Variants in CDH18 observed in about 807,000 individuals in gnomAD.
CDH18 encodes cadherin-18.
CDH18 carries 31 observed loss-of-function variants against 67.9 expected under a neutral mutation model. That is an observed-to-expected ratio of 0.46 (90% CI 0.34 to 0.62). The LOEUF (loss-of-function observed/expected upper bound fraction) is 0.62. CDH18 is among the 20% of genes least tolerant of loss of function. The pLI is 0.01. For synonymous variants in CDH18, 362 were observed against 347.2 expected (o/e 1.04, Z -0.48); for missense variants, 890 against 975.5 (o/e 0.91, Z 1.17).
At chr5:19,503,344 T>C (rs1159235865) in intron 10 of CDH18, among the ~76,000 whole-genome samples, 1 of 151,928 alleles carries the variant, frequency 6.6e-6, no homozygotes, top group African/African-American at 2.4e-5. Flanking sequence ...TTTTCTAGCA[T>C]TGCAAACGCA....
intron 3 of CDH18, among the ~76,000 whole-genome samples, chr5:19,755,431 G>GTATATATATATATATATATA (rs1256145011): frequency 1.3e-5 from 1 of 77,368 alleles, no homozygotes; most frequent in Non-Finnish European, 2.6e-5. Context: ...AACAGGGTAT[G>GTATATATATATATATATATA]TATATATATA....
At chr5:20,218,446 A>G (rs1740950215) in intron 2 of CDH18, among the ~76,000 whole-genome samples, 4 of 152,162 alleles carry the variant, frequency 2.6e-5, no homozygotes, top group Admixed American at 2.0e-4. Flanking sequence ...TTAAGAAGAA[A>G]ATTTAAAAGT....
intron 2 of CDH18, among the ~76,000 whole-genome samples, chr5:20,228,454 C>T (rs2126487872): frequency 6.6e-6 from 1 of 152,174 alleles, no homozygotes; most frequent in Admixed American, 6.6e-5. Flanking sequence ...TATTACCACA[C>T]ATAGTTATCA....
At chr5:20,281,366 T>C (rs1217179247) in intron 1 of CDH18, among the ~76,000 whole-genome samples, 1 of 152,192 alleles carries the variant, frequency 6.6e-6, no homozygotes, top group East Asian at 1.9e-4. Context: ...CTTTAATCCA[T>C]CTTGAATTAA....
At chr5:20,022,273 C>T (rs1276874036) in intron 2 of CDH18, among the ~76,000 whole-genome samples, 1 of 152,158 alleles carries the variant, frequency 6.6e-6, no homozygotes, top group East Asian at 1.9e-4. Flanking sequence ...TTACTGAAAT[C>T]ATCCAATGGA....
intron 1 of CDH18, among the ~76,000 whole-genome samples, chr5:20,393,975 C>A (rs969090108): frequency 6.6e-6 from 1 of 151,938 alleles, no homozygotes; most frequent in African/African-American, 2.4e-5. Context: ...ATGACAATGA[C>A]CATACTGCCC....
chr5:20,275,404 G>T (rs2126678515), intron 1 of CDH18, among the ~76,000 whole-genome samples: 1 of 152,206 alleles, frequency 6.6e-6, no homozygotes, highest in East Asian at 1.9e-4. Context: ...AGTTTTCTGA[G>T]GCCTCCTTAT....
intron 5 of CDH18, among the ~76,000 whole-genome samples, chr5:19,623,929 A>G (rs1751093601): frequency 1.4e-5 from 2 of 147,664 alleles, no homozygotes; most frequent in South Asian, 4.2e-4. Context: ...ATAAAAAATG[A>G]TTTATTTCTC....
chr5:19,674,722 T>C (rs1364966206), intron 5 of CDH18, among the ~76,000 whole-genome samples: 1 of 152,142 alleles, frequency 6.6e-6, no homozygotes, highest in Non-Finnish European at 1.5e-5. Flanking sequence ...ATTTGAAAAG[T>C]CTAGAAAGCT....
At chr5:20,501,563 AT>A (rs1754293945) in intron 1 of CDH18, among the ~76,000 whole-genome samples, 6 of 20,534 alleles carry the variant, frequency 2.9e-4, no homozygotes, top group African/African-American at 8.2e-4. Flanking sequence ...TATAATATAT[AT>A]ATATAATATA....
chr5:20,019,794 T>C (rs1057414879), intron 2 of CDH18, among the ~76,000 whole-genome samples: 1 of 152,210 alleles, frequency 6.6e-6, no homozygotes, highest in Non-Finnish European at 1.5e-5. Context: ...GCTATATAGA[T>C]ATCTGAAAAT....
chr5:19,666,391 C>T (rs755454994), intron 5 of CDH18, among the ~76,000 whole-genome samples: 126 of 151,460 alleles, frequency 8.3e-4, no homozygotes, highest in Non-Finnish European at 1.4e-3. Flanking sequence ...TACAGGCATA[C>T]GCCACCACAC....
At chr5:20,332,732 T>TA (rs1739295945) in intron 1 of CDH18, among the ~76,000 whole-genome samples, 1 of 152,194 alleles carries the variant, frequency 6.6e-6, no homozygotes, top group Non-Finnish European at 1.5e-5. Flanking sequence ...GAACTATACC[T>TA]ACATTTCATA....
intron 3 of CDH18, among the ~76,000 whole-genome samples, chr5:19,820,336 G>A (rs114846752): frequency 0.011 from 1,689 of 152,198 alleles, 30 homozygotes; most frequent in African/African-American, 0.038. Flanking sequence ...ACCTGCTCCT[G>A]GAGTAGACAA....
At chr5:19,491,899 TA>T (rs1423178199) in intron 11 of CDH18, among the ~76,000 whole-genome samples, 1 of 152,048 alleles carries the variant, frequency 6.6e-6, no homozygotes, top group Non-Finnish European at 1.5e-5. Flanking sequence ...TTCATAGGAT[TA>T]AAAAAATTAA....
At position 20,388,184 on chromosome 5, in the gene CDH18, A is replaced by G. The variant is rs554106609; in HGVS notation, c.-579-132679T>C. 2.4e-3 allele frequency among the ~76,000 whole-genome samples: 358 copies of G among 152,280 alleles called. 1 individual carries two copies. The highest frequency in any genetic ancestry group is 8.2e-3 in the African/African-American group (341 of 41,550). On this transcript the variant is annotated intron_variant, in intron 1 of 14. Coordinates refer to the CDH18 transcript ENST00000507958. ...TACCTCTGGTAGAATTCGGCTGTGA[A>G]TCCATCTGGTCCTAGACTTTTTTTG...
intron 1 of CDH18, among the ~76,000 whole-genome samples, chr5:20,327,320 T>TA (rs1387784771): frequency 6.6e-6 from 1 of 152,212 alleles, no homozygotes; most frequent in African/African-American, 2.4e-5. Context: ...TTATCTTATG[T>TA]AAAATGTAGA....
chr5:19,645,306 C>T (rs1218834010), intron 5 of CDH18, among the ~76,000 whole-genome samples: 2 of 152,138 alleles, frequency 1.3e-5, no homozygotes. Context: ...GAGCCATATG[C>T]TTATGTAAAG....
chr5:20,388,495 T>G (rs1744517107), intron 1 of CDH18, among the ~76,000 whole-genome samples: 1 of 152,164 alleles, frequency 6.6e-6, no homozygotes, highest in Non-Finnish European at 1.5e-5. Flanking sequence ...GTCTATCAAT[T>G]TTGTTGATCT....
Sources: allele counts gnomAD v4.1 joint callset (sites outside exome capture counted in the v4.1 genomes callset), GRCh38; gene constraint gnomAD v4.1.1; transcripts MANE v1.5; gene names NCBI Gene and HGNC (gene_info 2026-07-23, HGNC 2026-07-21).